The following SLC14A2 variants were observed in gnomAD, a reference collection of about 807,000 sequenced individuals.
The protein encoded by SLC14A2 is solute carrier family 14 member 2.
In SLC14A2, 91 loss-of-function variants were observed where a neutral mutation model predicts 104.6. The ratio of observed to expected loss-of-function variants is 0.87; its 90% CI spans 0.73 to 1.04. The LOEUF is 1.04. Ranked by LOEUF, SLC14A2 falls within the 50% of genes least tolerant of loss-of-function variation. The pLI is 0.00. For synonymous variants in SLC14A2, 476 were observed against 466.4 expected, an observed-to-expected ratio of 1.02 and a Z score of -0.27; for missense variants, 1,189 against 1,156.0, an observed-to-expected ratio of 1.03 and a Z score of -0.41.
intron 1 of SLC14A2, among the ~76,000 whole-genome samples, chr18:45,452,354 C>A (rs192632463): frequency 6.6e-6 from 1 of 152,290 alleles, no homozygotes; most frequent in Admixed American, 6.5e-5. Flanking sequence ...TGCCAATCAT[C>A]CAAGAGTGCA....
intron 1 of SLC14A2, among the ~76,000 whole-genome samples, chr18:45,253,437 T>G (rs1233958151): frequency 6.6e-6 from 1 of 152,126 alleles, no homozygotes; most frequent in East Asian, 1.9e-4. Context: ...TACACAATGC[T>G]TCTTAAAATA....
At chr18:45,216,795 C>T (rs1483722431) in intron 1 of SLC14A2, among the ~76,000 whole-genome samples, 1 of 152,180 alleles carries the variant, frequency 6.6e-6, no homozygotes, top group African/African-American at 2.4e-5. Context: ...TATTTCCCAC[C>T]TTTGGCCAAG....
rs546564020 is a variant in SLC14A2 at position 45,585,463 on chromosome 18, A to C, written c.-34-39168A>C. Among the ~76,000 whole-genome samples the C allele has an allele frequency of 5.3e-5, 8 of 152,328 alleles. No homozygotes were observed. The South Asian group carries it at 6.2e-4, about 12-fold the overall frequency. ...TAGGTCCTCAACAAATAGTAGTTGAATGAATGAATGAATAAATGGGAACCA... is the reference window on the plus strand; with the variant it reads ...TAGGTCCTCAACAAATAGTAGTTGACTGAATGAATGAATAAATGGGAACCA... On this transcript the variant is annotated intron_variant, in intron 2 of 20. Transcript: ENST00000586448.
intron 1 of SLC14A2, among the ~76,000 whole-genome samples, chr18:45,259,974 G>A (rs1429278342): frequency 6.6e-6 from 1 of 152,084 alleles, no homozygotes. Flanking sequence ...GATTTTTTTG[G>A]TAGAGGGGGA....
intron 15 of SLC14A2, 21 bp downstream of exon 15, chr18:45,668,498 T>C (rs778664195): frequency 2.4e-5 from 38 of 1,613,846 alleles, no homozygotes; most frequent in Non-Finnish European, 3.0e-5. Context: ...TTTTGAAGGG[T>C]TGTGGGTTCA....
intron 1 of SLC14A2, among the ~76,000 whole-genome samples, chr18:45,287,403 C>T (rs1030312631): frequency 6.6e-6 from 1 of 152,226 alleles, no homozygotes; most frequent in African/African-American, 2.4e-5. Flanking sequence ...TGTTGTGAAC[C>T]TAGTGTGCTG....
At chr18:45,523,212 C>G (rs1473252705) in intron 2 of SLC14A2, among the ~76,000 whole-genome samples, 1 of 151,798 alleles carries the variant, frequency 6.6e-6, no homozygotes, top group Admixed American at 6.6e-5. Flanking sequence ...CAGCCCCAGC[C>G]CCTATGCTGA....
chr18:45,228,595 T>A (rs1363361543), intron 1 of SLC14A2, among the ~76,000 whole-genome samples: 1 of 152,156 alleles, frequency 6.6e-6, no homozygotes, highest in Non-Finnish European at 1.5e-5. Context: ...GAGGGATTTC[T>A]GGACCTTCCC....
At chr18:45,626,220 G>T (rs1056304263) in intron 3 of SLC14A2, among the ~76,000 whole-genome samples, 1 of 152,152 alleles carries the variant, frequency 6.6e-6, no homozygotes, top group Admixed American at 6.5e-5. Flanking sequence ...TCCTTCACTC[G>T]ATTCACTTGT....
At chr18:45,172,290 G>A in the SLC14A2 span, among the ~76,000 whole-genome samples, 2 of 152,050 alleles carry the variant, frequency 1.3e-5, no homozygotes, top group Non-Finnish European at 2.9e-5. Context: ...GGTTAATTCA[G>A]TGCTCCCCTT....
chr18:45,512,896 T>C (rs1296115621), intron 2 of SLC14A2, among the ~76,000 whole-genome samples: 2 of 152,206 alleles, frequency 1.3e-5, no homozygotes, highest in East Asian at 1.9e-4. Context: ...CAGAATGTTT[T>C]CAAGTACTTT....
chr18:45,616,844 T>C lies in SLC14A2; in HGVS notation c.-35+1262T>C, dbSNP rs116771945. On this transcript the variant is annotated intron_variant, in intron 1 of 19. Coordinates refer to ENST00000255226, the MANE Select transcript of SLC14A2 (RefSeq NM_007163.4). ...CGGGTGCAGTGGCTCACACCTGTAA[T>C]CCTAGCACTTTGAAAGACCAAGGTG... Among the ~76,000 whole-genome samples the C allele has an allele frequency of 4.5e-3, 683 of 152,284 alleles. 11 individuals are homozygous for C. Among genetic ancestry groups the C allele is most frequent in the African/African-American group, 0.015 (610 of 41,558 alleles).
At chr18:45,462,272 A>C (rs1161021419) in intron 1 of SLC14A2, among the ~76,000 whole-genome samples, 1 of 152,212 alleles carries the variant, frequency 6.6e-6, no homozygotes, top group Admixed American at 6.5e-5. Flanking sequence ...AGCATCAAAA[A>C]GGAAAATAAA....
chr18:45,624,208 A>G (rs2045221825), intron 1 of SLC14A2, among the ~76,000 whole-genome samples: 1 of 152,190 alleles, frequency 6.6e-6, no homozygotes, highest in East Asian at 1.9e-4. Context: ...TAGCCTCCAT[A>G]GAAATTCAGG....
At chr18:45,199,985 A>G in the SLC14A2 span, among the ~76,000 whole-genome samples, 8 of 152,186 alleles carry the variant, frequency 5.3e-5, no homozygotes. Context: ...AAAGAACCCT[A>G]GCTGGACCAT....
At chr18:45,636,887 G>A in intron 5 of SLC14A2, 103 bp from the exon 6 acceptor site, 1 of 836,176 alleles carries the variant, frequency 1.2e-6, no homozygotes, top group Non-Finnish European at 2.0e-6. Flanking sequence ...GGAATGCTGT[G>A]CCTAGGAGAG....
chr18:45,481,914 A>T (rs1475254436), intron 1 of SLC14A2, among the ~76,000 whole-genome samples: 1 of 152,184 alleles, frequency 6.6e-6, no homozygotes, highest in Non-Finnish European at 1.5e-5. Flanking sequence ...AGTTTTCAAG[A>T]TTCAACCTTA....
chr18:45,259,585 T>A (rs547583254), intron 1 of SLC14A2, among the ~76,000 whole-genome samples: 9 of 152,232 alleles, frequency 5.9e-5, no homozygotes, highest in Middle Eastern at 6.8e-3. Flanking sequence ...AGAGTAAAGA[T>A]AAGAGTGATT....
intron 1 of SLC14A2, among the ~76,000 whole-genome samples, chr18:45,309,775 C>T (rs2144211911): frequency 6.6e-6 from 1 of 152,252 alleles, no homozygotes. Flanking sequence ...GTAGCCACTA[C>T]CCAACTTCAG....
Sources: allele counts gnomAD v4.1 joint callset (sites outside exome capture counted in the v4.1 genomes callset), GRCh38; gene constraint gnomAD v4.1.1; transcripts MANE v1.5; gene names NCBI Gene and HGNC (gene_info 2026-07-23, HGNC 2026-07-21).